RASGRF2: variants seen among roughly 807,000 people sequenced by gnomAD.
RASGRF2 encodes Ras protein specific guanine nucleotide releasing factor 2, also known as ras-specific guanine nucleotide-releasing factor 2.
In RASGRF2, 76 loss-of-function variants were observed where a neutral mutation model predicts 151.0. The ratio of observed to expected loss-of-function variants is 0.50; its 90% confidence interval spans 0.42 to 0.61. The LOEUF is 0.61. Ranked by LOEUF, RASGRF2 falls within the 20% of genes least tolerant of loss-of-function variation. RASGRF2 has a pLI of 0.00. For missense variants in RASGRF2, 1,148 were observed against 1,564.6 expected, an observed-to-expected ratio of 0.73 and a Z score of 4.49; for synonymous variants, 504 against 566.5, an observed-to-expected ratio of 0.89 and a Z score of 1.57.
chr5:81,208,531 CCA>C, intron 22 of RASGRF2, 93 bp downstream of exon 22: 1 of 414,396 alleles, frequency 2.4e-6, no homozygotes, highest in Non-Finnish European at 4.0e-6. Flanking sequence ...ACTCTGTCAC[CCA>C]CTTTTTTTTT....
chr5:81,009,248 T>C (rs1343814510), intron 1 of RASGRF2, among the ~76,000 whole-genome samples: 1 of 152,228 alleles, frequency 6.6e-6, no homozygotes, highest in Admixed American at 6.5e-5. Flanking sequence ...ACTGAGTGGA[T>C]ATGTAACCAT....
chr5:81,111,809 G>A (rs1241368350), intron 13 of RASGRF2, among the ~76,000 whole-genome samples: 7 of 151,860 alleles, frequency 4.6e-5, no homozygotes, highest in African/African-American at 9.7e-5. Context: ...AGTTTAATCC[G>A]AAAAAAATAA....
intron 1 of RASGRF2, among the ~76,000 whole-genome samples, chr5:81,021,992 C>A (rs764423095): frequency 6.6e-6 from 1 of 152,072 alleles, no homozygotes; most frequent in Non-Finnish European, 1.5e-5. Flanking sequence ...GTCTTCAGAC[C>A]GGTTGGTGTC....
intron 16 of RASGRF2, among the ~76,000 whole-genome samples, chr5:81,124,371 G>A (rs999089650): frequency 7.4e-5 from 10 of 135,810 alleles, no homozygotes; most frequent in Non-Finnish European, 1.3e-4. Context: ...GAGGAGTAAC[G>A]TGAATCAAAA....
intron 17 of RASGRF2, among the ~76,000 whole-genome samples, chr5:81,128,957 G>T (rs1007884907): frequency 6.6e-6 from 1 of 151,994 alleles, no homozygotes; most frequent in Non-Finnish European, 1.5e-5. Context: ...TGGCCAACAT[G>T]ATGAATCCCC....
At chr5:80,967,007 T>G (rs1747743983) in intron 1 of RASGRF2, among the ~76,000 whole-genome samples, 1 of 152,188 alleles carries the variant, frequency 6.6e-6, no homozygotes, top group African/African-American at 2.4e-5. Flanking sequence ...ATTTACAGCT[T>G]TAGATTAAAT....
chr5:81,145,746 C>G (rs1753990514), intron 17 of RASGRF2, among the ~76,000 whole-genome samples: 1 of 152,230 alleles, frequency 6.6e-6, no homozygotes, highest in Non-Finnish European at 1.5e-5. Flanking sequence ...GACTGCAGCC[C>G]TAGTGGACAC....
chr5:81,186,498 T>C (rs1383113621), intron 18 of RASGRF2, among the ~76,000 whole-genome samples: 1 of 152,240 alleles, frequency 6.6e-6, no homozygotes, highest in East Asian at 1.9e-4. Context: ...TGGTATGTTT[T>C]ACATATATGC....
At chr5:81,096,863 T>C (rs1344043122) in intron 12 of RASGRF2, among the ~76,000 whole-genome samples, 1 of 152,172 alleles carries the variant, frequency 6.6e-6, no homozygotes, top group Non-Finnish European at 1.5e-5. Context: ...GCTATGGGTA[T>C]TATGCTGCTT....
chr5:80,995,692 C>CCT (rs1748829216), intron 1 of RASGRF2, among the ~76,000 whole-genome samples: 1 of 121,930 alleles, frequency 8.2e-6, no homozygotes, highest in Non-Finnish European at 1.7e-5. Context: ...CTTCCCCCCC[C>CCT]CTTTTTTTTT....
chr5:81,117,168 A>T (rs1172779493), intron 15 of RASGRF2, among the ~76,000 whole-genome samples: 1 of 152,228 alleles, frequency 6.6e-6, no homozygotes, highest in Non-Finnish European at 1.5e-5. Context: ...ACAAAGTAGA[A>T]ATCAATAGTT....
chr5:81,105,210 AG>A (rs1219130556), intron 12 of RASGRF2, among the ~76,000 whole-genome samples: 3 of 152,176 alleles, frequency 2.0e-5, no homozygotes, highest in Non-Finnish European at 2.9e-5. Flanking sequence ...TAGTGCAGGT[AG>A]GATGACAAGC....
At chr5:81,139,438 G>C (rs1456837637) in intron 17 of RASGRF2, among the ~76,000 whole-genome samples, 1 of 129,224 alleles carries the variant, frequency 7.7e-6, no homozygotes, top group Non-Finnish European at 1.6e-5. Flanking sequence ...GTCTCGGTGT[G>C]TCACCTCCAC....
intron 24 of RASGRF2, chr5:81,217,085 G>A: frequency 2.2e-6 from 1 of 459,764 alleles, no homozygotes; most frequent in Non-Finnish European, 4.1e-6. Flanking sequence ...GCTAGCAAAT[G>A]CTTTGTATTT....
rs570626922 is a variant in RASGRF2, at chr5:80,964,537, C to T, written c.288+3511C>T. On this transcript the variant is annotated intron_variant, in intron 1 of 26. Coordinates refer to ENST00000265080, the MANE Select transcript of RASGRF2 (RefSeq NM_006909.3). ...TGCTAACACTGAAACTCAAAGACTT[C>T]TGGGGAGATGATCAAAGTCCAGTTG... is the stretch of plus-strand genomic sequence containing the variant. Among the ~76,000 whole-genome samples the T allele has an allele frequency of 2.6e-5, 4 of 152,096 alleles. No homozygotes were observed. In the East Asian group the frequency reaches 7.7e-4, roughly 29 times the overall value.
At chr5:81,166,465 G>A (rs1191417498) in intron 17 of RASGRF2, among the ~76,000 whole-genome samples, 3 of 152,198 alleles carry the variant, frequency 2.0e-5, no homozygotes. Flanking sequence ...TGGGATTACA[G>A]GTGTGAGCCA....
intron 26 of RASGRF2, 136 bp from the exon 27 acceptor site, chr5:81,225,542 C>T: frequency 1.2e-6 from 1 of 839,470 alleles, no homozygotes; most frequent in South Asian, 2.4e-5. Flanking sequence ...ACAATGGAAA[C>T]ATATTTATGA....
At chr5:81,106,210 C>G (rs1752841488) in intron 12 of RASGRF2, among the ~76,000 whole-genome samples, 1 of 151,992 alleles carries the variant, frequency 6.6e-6, no homozygotes, top group African/African-American at 2.4e-5. Context: ...TTTGATTTTA[C>G]CTTGTTTTTT....
At chr5:81,206,778 A>G in intron 19 of RASGRF2, 67 bp from the exon 20 acceptor site, 1 of 1,396,338 alleles carries the variant, frequency 7.2e-7, no homozygotes, top group South Asian at 1.2e-5. Context: ...ACCAAACTGC[A>G]TTTGTAGTTT....
Sources: allele counts gnomAD v4.1 joint callset (sites outside exome capture counted in the v4.1 genomes callset), GRCh38; gene constraint gnomAD v4.1.1; transcripts MANE v1.5; gene names NCBI Gene and HGNC (gene_info 2026-07-23, HGNC 2026-07-21).